SUGCT: variants seen among roughly 807,000 people sequenced by gnomAD.
The protein encoded by SUGCT is succinyl-CoA:glutarate CoA-transferase.
A neutral mutation model predicts 55.0 loss-of-function variants in SUGCT; 41 were observed. The ratio of observed to expected loss-of-function variants is 0.74; its 90% CI spans 0.58 to 0.97. SUGCT has a LOEUF of 0.97. Ranked by LOEUF, SUGCT falls within the 50% of genes least tolerant of loss-of-function variation. The pLI is 0.00. For synonymous variants in SUGCT, 187 were observed against 200.4 expected (o/e 0.93, Z 0.56); for missense variants, 568 against 547.8 (o/e 1.04, Z -0.37).
At chr7:40,638,286 A>T (rs1299078911) in intron 12 of SUGCT, among the ~76,000 whole-genome samples, 3 of 152,268 alleles carry the variant, frequency 2.0e-5, no homozygotes, top group Non-Finnish European at 4.4e-5. Flanking sequence ...TTATTTTTTT[A>T]AAAATTGAGC....
chr7:41,024,456 G>A, the SUGCT span, among the ~76,000 whole-genome samples: 2 of 152,072 alleles, frequency 1.3e-5, no homozygotes, highest in African/African-American at 4.8e-5. Context: ...AACCAACAAA[G>A]AATCCATATC....
At chr7:40,651,815 G>A (rs1044334758) in intron 12 of SUGCT, among the ~76,000 whole-genome samples, 2 of 151,822 alleles carry the variant, frequency 1.3e-5, no homozygotes, top group African/African-American at 4.8e-5. Context: ...GCTTACCACC[G>A]CATTTTTGTT....
chr7:40,751,914 T>C (rs2128713956), intron 13 of SUGCT, among the ~76,000 whole-genome samples: 1 of 152,354 alleles, frequency 6.6e-6, no homozygotes, highest in Non-Finnish European at 1.5e-5. Context: ...TGACTTTCAC[T>C]GTAAGTGAAC....
At position 40,428,469 on chromosome 7, in the gene SUGCT, T is replaced by C. The variant is rs558693034; in HGVS notation, c.817-20818T>C. 2.0e-5 allele frequency among the ~76,000 whole-genome samples: 3 copies of C among 152,226 alleles called. No homozygotes were observed. The South Asian group carries it at 6.2e-4, about 32-fold the overall frequency. On this transcript the variant is annotated intron_variant, in intron 9 of 13. Transcript: ENST00000335693. ...CCCGTGTTTTCCTGTCTTGTTGTAT[T>C]CCTTTGTGTTTAATTTATTTTTGTA...
the SUGCT span, among the ~76,000 whole-genome samples, chr7:40,878,736 A>G: frequency 6.6e-6 from 1 of 151,960 alleles, no homozygotes; most frequent in Non-Finnish European, 1.5e-5. Flanking sequence ...CCTCCACCAG[A>G]AAAACCCCTG....
At chr7:40,609,276 G>C (rs1174915305) in intron 12 of SUGCT, among the ~76,000 whole-genome samples, 1 of 152,104 alleles carries the variant, frequency 6.6e-6, no homozygotes, top group African/African-American at 2.4e-5. Context: ...TGCATGGGAA[G>C]TTCTCTCCAT....
chr7:40,700,864 G>C (rs1311059680), intron 12 of SUGCT, among the ~76,000 whole-genome samples: 1 of 151,998 alleles, frequency 6.6e-6, no homozygotes, highest in African/African-American at 2.4e-5. Flanking sequence ...GACTAGATGC[G>C]ACCCACAGTC....
chr7:40,595,467 A>G (rs1797961242), intron 12 of SUGCT, among the ~76,000 whole-genome samples: 1 of 152,216 alleles, frequency 6.6e-6, no homozygotes, highest in Non-Finnish European at 1.5e-5. Context: ...TTTAATTGAC[A>G]CGTTGTCATT....
intron 6 of SUGCT, among the ~76,000 whole-genome samples, chr7:40,211,498 G>C (rs542865823): frequency 3.9e-5 from 6 of 152,188 alleles, no homozygotes; most frequent in Non-Finnish European, 8.8e-5. Flanking sequence ...ACAGGCATGA[G>C]CCACCTTGCT....
intron 12 of SUGCT, among the ~76,000 whole-genome samples, chr7:40,565,416 G>A (rs1047087678): frequency 1.3e-5 from 2 of 152,174 alleles, no homozygotes; most frequent in African/African-American, 4.8e-5. Context: ...AAGGTCTAAT[G>A]GTAGATAAGT....
intron 12 of SUGCT, among the ~76,000 whole-genome samples, chr7:40,559,848 A>G (rs1264472843): frequency 1.3e-5 from 2 of 152,226 alleles, no homozygotes; most frequent in Non-Finnish European, 2.9e-5. Flanking sequence ...AACTTTCACC[A>G]CTGTCACAGT....
At chr7:40,791,606 A>T (rs939249413) in intron 13 of SUGCT, among the ~76,000 whole-genome samples, 1 of 152,186 alleles carries the variant, frequency 6.6e-6, no homozygotes, top group African/African-American at 2.4e-5. Context: ...CAAATTGCTT[A>T]ATGCTGTTTC....
At chr7:40,652,197 T>C (rs893264641) in intron 12 of SUGCT, among the ~76,000 whole-genome samples, 14 of 152,348 alleles carry the variant, frequency 9.2e-5, no homozygotes, top group Middle Eastern at 3.4e-3. Flanking sequence ...TCAGTTTCAG[T>C]ATTTTTCAGT....
chr7:40,565,937 T>C (rs776504746), intron 12 of SUGCT, among the ~76,000 whole-genome samples: 68 of 151,622 alleles, frequency 4.5e-4, no homozygotes, highest in Non-Finnish European at 9.0e-4. Context: ...CCTTGCTTAA[T>C]TTTCTTCGTA....
intron 7 of SUGCT, among the ~76,000 whole-genome samples, chr7:40,266,727 C>G (rs941110447): frequency 1.3e-5 from 2 of 151,688 alleles, no homozygotes; most frequent in Non-Finnish European, 2.9e-5. Context: ...AGAAAATAAC[C>G]CACTGGGGGC....
intron 8 of SUGCT, among the ~76,000 whole-genome samples, chr7:40,285,491 TC>T (rs139732809): frequency 0.38 from 55,578 of 146,514 alleles, 10,740 homozygotes; most frequent in East Asian, 0.48. Flanking sequence ...TTTTCTTTTT[TC>T]GGGGGGGGGC....
At chr7:40,567,650 T>G (rs1796219120) in intron 12 of SUGCT, among the ~76,000 whole-genome samples, 1 of 152,202 alleles carries the variant, frequency 6.6e-6, no homozygotes. Flanking sequence ...CCATCCAGTT[T>G]AAGTCTGTCT....
chr7:40,331,720 C>T (rs1297702866), intron 9 of SUGCT, among the ~76,000 whole-genome samples: 1 of 152,146 alleles, frequency 6.6e-6, no homozygotes. Context: ...TTTTCCTCTG[C>T]CTGGCCAATG....
intron 9 of SUGCT, among the ~76,000 whole-genome samples, chr7:40,439,837 T>G (rs965132913): frequency 6.6e-6 from 1 of 152,134 alleles, no homozygotes; most frequent in African/African-American, 2.4e-5. Context: ...CTGTGTGTGC[T>G]TGCTCCCTTT....
Sources: gnomAD v4.1 joint callset for allele counts (sites outside exome capture counted in the v4.1 genomes callset) on GRCh38, gnomAD v4.1.1 for gene constraint, MANE v1.5 for transcripts, NCBI Gene and HGNC (gene_info 2026-07-23, HGNC 2026-07-21) for gene names.